Variants in DMKN observed in about 807,000 individuals in gnomAD.
DMKN encodes the protein epidermis-specific secreted protein SK30/SK89.
In DMKN, 58 loss-of-function variants were observed where a neutral mutation model predicts 67.6. The ratio of observed to expected loss-of-function variants is 0.86; its 90% CI spans 0.69 to 1.07. The LOEUF (loss-of-function observed/expected upper bound fraction) is 1.07, where lower values mean the gene tolerates loss of function less well. DMKN is among the 50% of genes least tolerant of loss of function. The pLI, the probability that DMKN is intolerant of heterozygous loss-of-function variation, is 0.00. For synonymous variants in DMKN, 240 were observed against 232.3 expected (o/e 1.03, Z -0.30); for missense variants, 596 against 601.5 (o/e 0.99, Z 0.10).
At chr19:35,501,796 C>T (rs376644377) in intron 11 of DMKN, 15 of 1,544,950 alleles carry the variant, frequency 9.7e-6, no homozygotes, top group East Asian at 9.7e-5. Flanking sequence ...ACGATCTCCC[C>T]GCACCTGTGC....
chr19:35,505,024 TAA>T (rs60837281), intron 9 of DMKN, among the ~76,000 whole-genome samples: 4 of 141,272 alleles, frequency 2.8e-5, no homozygotes, highest in African/African-American at 7.7e-5. Context: ...TTCATATTCT[TAA>T]AAAAAAAAAA....
rs1256531853 is a variant in DMKN at position 35,506,315 on chromosome 19, G to A, written c.1039-329C>T. ...TTCCTGTCCTCCTCTCTATAAAGCT[G>A]CCTTCTCTTCCTTACACAGCACCAA... On this transcript the variant is annotated intron_variant, in intron 7 of 15. Transcript: ENST00000339686. The A allele has an allele frequency of 3.2e-6, 3 of 931,066 alleles. No individual in the cohort carries two copies. The East Asian group carries it at 7.9e-5, about 25-fold the overall frequency. The allele number at this position is 931,066 out of a possible 1,614,324, so 57.7% of individuals were successfully genotyped here. A position where few individuals can be genotyped will look rare whatever the true frequency, so the allele number is the denominator to read the frequency against.
rs759715642 is a variant in DMKN at position 35,502,127 on chromosome 19, C to G, written c.1239+9G>C. On this transcript the variant is annotated intron_variant, in intron 11 of 15. Coordinates refer to ENST00000339686, the MANE Select transcript of DMKN (RefSeq NM_033317.5). Reference sequence around the variant, plus strand: ...GTGTCCCAGAGCTGAGAAGTCCTGCCCCCCTTACCTCAATAATTGCTTTCC... The same window carrying G: ...GTGTCCCAGAGCTGAGAAGTCCTGCGCCCCTTACCTCAATAATTGCTTTCC... 3.7e-6 allele frequency: 6 copies of G among 1,614,144 alleles called. No individual in the cohort carries two copies. The highest frequency in any genetic ancestry group is 5.1e-6 in the Non-Finnish European group (6 of 1,180,028).
chr19:35,500,347 T>A (rs2068141505), intron 12 of DMKN, 186 bp downstream of exon 12: 2 of 1,549,564 alleles, frequency 1.3e-6, no homozygotes, highest in East Asian at 4.9e-5. Context: ...TGCCAGGACG[T>A]AACCCAGCGG....
At chr19:35,507,262 A>G in intron 7 of DMKN, 1 of 516,980 alleles carries the variant, frequency 1.9e-6, no homozygotes, top group Non-Finnish European at 3.5e-6. Flanking sequence ...ATCCAAATCA[A>G]AAGGAAGGAA....
In DMKN at chr19:35,502,876, G is replaced by A. The variant is rs147573481; in HGVS notation, c.1145C>T (p.Pro382Leu). The A allele has an allele frequency of 1.2e-4, 198 of 1,613,944 alleles. No individual in the cohort carries two copies. Among genetic ancestry groups the A allele is most frequent in the East Asian group, 5.1e-4 (23 of 44,870 alleles). The change falls in exon 10 of 16, where the codon CCG (proline) becomes CTG (leucine). Residue 382 changes from proline (P) to leucine (L), a missense_variant. Physicochemically the swap from Pro to Leu is moderately conservative, Grantham distance 98 (BLOSUM62 -3). Transcript: ENST00000339686. The stretch of plus-strand genomic sequence containing the variant: ...GAGGAGGGCTCGGGTGCTGGGGGGC[G>A]GGACCTGGTTCTGTGGATGAAAGGC... The part of the protein sequence containing the change: ...NWDAINKNQV[P>L]PPSTRALLYF...
intron 12 of DMKN, 150 bp downstream of exon 12, chr19:35,500,383 A>G (rs2068151403): frequency 1.3e-6 from 2 of 1,551,676 alleles, no homozygotes; most frequent in South Asian, 2.4e-5. Context: ...CTCACCTTGG[A>G]AGTTACAGCT....
chr19:35,510,492 T>G lies in DMKN; in HGVS notation c.919-240A>C, dbSNP rs571895390. On this transcript the variant is annotated intron_variant, in intron 5 of 15. Coordinates refer to ENST00000339686, the MANE Select transcript of DMKN (RefSeq NM_033317.5). ...CAATGATTTGGAGAACCTGAGCTGCTGCCCACCGCAGGCCGGGGGTGGGAA... is the reference window on the plus strand; with the variant it reads ...CAATGATTTGGAGAACCTGAGCTGCGGCCCACCGCAGGCCGGGGGTGGGAA... 5.8e-6 allele frequency: 9 copies of G among 1,550,346 alleles called. No homozygotes were observed. The South Asian group carries it at 1.1e-4, about 18-fold the overall frequency.
Position 35,513,341 on chromosome 19 carries a change from G to T in DMKN, c.135C>A (p.Asp45Glu). The change falls in exon 1 of 16, where the codon GAC becomes GAA. Residue 45 changes from aspartate to glutamate, a missense_variant. Coordinates refer to ENST00000339686, the MANE Select transcript of DMKN (RefSeq NM_033317.5). ...CCTTTCCCACCCCTTCGCTCAGGGC[G>T]TCTCCCAGGCCATGTCCAAGGGCCT... is the stretch of plus-strand genomic sequence containing the variant. ...IGEALGHGLG[D>E]ALSEGVGKAI... 6.2e-7 allele frequency: 1 copy of T among 1,613,964 alleles called. No individual in the cohort carries two copies. Among genetic ancestry groups the T allele is most frequent in the South Asian group, 1.1e-5 (1 of 91,086 alleles).
chr19:35,503,386 G>T (rs1026099082), intron 9 of DMKN: 1 of 1,551,366 alleles, frequency 6.4e-7, no homozygotes, highest in Non-Finnish European at 8.7e-7. Flanking sequence ...GAGTGTGGGG[G>T]CTCCCATCCA....
At chr19:35,510,392 A>G (rs1378085890) in intron 5 of DMKN, 140 bp from the exon 6 acceptor site, 7 of 1,552,330 alleles carry the variant, frequency 4.5e-6, no homozygotes, top group Admixed American at 2.0e-5. Flanking sequence ...CCCCCTCTTT[A>G]GCCTGTTGGT....
rs772318257 is a variant in DMKN, at chr19:35,501,783, A to C, written c.1239+353T>G. The C allele has an allele frequency of 1.1e-5, 16 of 1,521,818 alleles. No homozygotes were observed. The East Asian group carries it at 3.9e-4, about 37-fold the overall frequency. The allele number at this position is 1,521,818 out of a possible 1,614,324, so 94.3% of individuals were successfully genotyped here. On this transcript the variant is annotated intron_variant, in intron 11 of 15. Transcript: ENST00000339686. ...GCAGCCTAGGCCCCTTCTTCCCCTC[A>C]ATACGATCTCCCCGCACCTGTGCAC...
intron 9 of DMKN, among the ~76,000 whole-genome samples, chr19:35,503,707 C>T (rs1451519285): frequency 6.6e-6 from 1 of 152,030 alleles, no homozygotes; most frequent in Non-Finnish European, 1.5e-5. Flanking sequence ...GACTCCTGAC[C>T]TCAAGTGATC....
At chr19:35,502,715 A>AAG in intron 10 of DMKN, 115 bp downstream of exon 10, 9 of 985,278 alleles carry the variant, frequency 9.1e-6, no homozygotes, top group Non-Finnish European at 1.3e-5. Context: ...AAAAAAAAAA[A>AAG]GGGGGGGAGT....
At chr19:35,507,733 CACTT>C (rs930231713) in intron 7 of DMKN, 49 of 550,462 alleles carry the variant, frequency 8.9e-5, no homozygotes, top group African/African-American at 8.7e-4. Context: ...GGTGGCTGCT[CACTT>C]ACGATGTCCA....
chr19:35,509,896 G>A lies in DMKN; in HGVS notation c.1038+15C>T, dbSNP rs1440803426. ...ACTGCAGTCCCCAGGAGACTTAAGA[G>A]ACTTTGGCTCTCACCTGAATCCCAG... is the stretch of plus-strand genomic sequence containing the variant. On this transcript the variant is annotated intron_variant, in intron 7 of 15. Transcript: ENST00000339686. 6.2e-7 allele frequency: 1 copy of A among 1,614,078 alleles called. No individual in the cohort carries two copies. The highest frequency in any genetic ancestry group is 8.5e-7 in the Non-Finnish European group (1 of 1,180,024).
rs752333433 is a variant in DMKN, at chr19:35,513,411, C to T, written c.65G>A (p.Gly22Asp). Residue 22 changes from glycine (G) to aspartate (D), a missense_variant, in exon 1 of 16, where the codon GGC becomes GAC. Coordinates refer to ENST00000339686, the MANE Select transcript of DMKN (RefSeq NM_033317.5). Reference protein sequence around the residue: ...LALCLGSGEAGPLQSGEESTG... With the variant: ...LALCLGSGEADPLQSGEESTG... ...GCTTTCCTCTCCGCTCTGCAGGGGG[C>T]CAGCCTCCCCACTGCCCAGGCAGAG... 2.5e-6 allele frequency: 4 copies of T among 1,605,012 alleles called. No individual in the cohort carries two copies. Among genetic ancestry groups the T allele is most frequent in the East Asian group, 4.5e-5 (2 of 44,874 alleles).
intron 12 of DMKN, 71 bp downstream of exon 12, chr19:35,500,462 T>G: frequency 6.4e-7 from 1 of 1,567,020 alleles, no homozygotes; most frequent in Non-Finnish European, 8.7e-7. Context: ...GAATTTCAGA[T>G]TGCCCAGACC....
At chr19:35,512,908 A>G in intron 1 of DMKN, 118 bp from the exon 2 acceptor site, 2 of 1,503,828 alleles carry the variant, frequency 1.3e-6, no homozygotes, top group Non-Finnish European at 8.9e-7. Context: ...AGGGTGGCAT[A>G]GGAGGGGGGC....
Sources: gnomAD v4.1 joint callset for allele counts (sites outside exome capture counted in the v4.1 genomes callset) on GRCh38, gnomAD v4.1.1 for gene constraint, MANE v1.5 for transcripts, NCBI Gene and HGNC (gene_info 2026-07-23, HGNC 2026-07-21) for gene names.